CCDC97: variants seen among roughly 807,000 people sequenced by gnomAD.
The protein encoded by CCDC97 is coiled-coil domain containing 97.
In CCDC97, 27 loss-of-function variants were observed where a neutral mutation model predicts 33.9. That is an observed-to-expected ratio of 0.80 (90% CI 0.59 to 1.10). The LOEUF (loss-of-function observed/expected upper bound fraction) is 1.10. CCDC97 is among the 50% of genes least tolerant of loss of function. The pLI is 0.00. For missense variants in CCDC97, 422 were observed against 476.6 expected (o/e 0.89, Z 1.07); for synonymous variants, 217 against 194.0 (o/e 1.12, Z -0.99).
Position 41,322,763 on chromosome 19 carries a change from G to A in CCDC97, c.*48G>A. 1 of 1,599,126 alleles carries A rather than the reference G, an allele frequency of 6.3e-7. No homozygotes were observed. Among genetic ancestry groups the A allele is most frequent in the Non-Finnish European group, 8.5e-7 (1 of 1,171,766 alleles). Reference sequence around the variant, plus strand: ...CTGCCCCATCCCCATCCCCAACAAGGCAGCTGATTCCAGGCCTGCTCAGTG... The same window carrying A: ...CTGCCCCATCCCCATCCCCAACAAGACAGCTGATTCCAGGCCTGCTCAGTG... On this transcript the variant is annotated 3_prime_UTR_variant, in exon 5 of 5. Transcript: ENST00000269967.
intron 1 of CCDC97, among the ~76,000 whole-genome samples, chr19:41,315,298 A>C (rs1424151047): frequency 7.4e-6 from 1 of 135,074 alleles, no homozygotes; most frequent in Non-Finnish European, 1.6e-5. Context: ...CTCCGTCTCA[A>C]AAAAAAAAAA....
intron 1 of CCDC97, 64 bp from the exon 2 acceptor site, chr19:41,316,320 G>T: frequency 7.6e-7 from 1 of 1,312,378 alleles, no homozygotes; most frequent in Admixed American, 2.0e-5. Context: ...CTGAGTGAGT[G>T]ACTAAGCCCC....
chr19:41,321,786 G>C (rs927551135), intron 4 of CCDC97, among the ~76,000 whole-genome samples: 2 of 152,156 alleles, frequency 1.3e-5, no homozygotes, highest in African/African-American at 4.8e-5. Flanking sequence ...TGGAGCAGTC[G>C]CAAGGGGTCG....
intron 1 of CCDC97, among the ~76,000 whole-genome samples, chr19:41,313,057 C>T (rs149243913): frequency 1.1e-3 from 170 of 152,236 alleles, no homozygotes; most frequent in African/African-American, 4.0e-3. Context: ...CAGGGGTGAG[C>T]CATTGCAACC....
chr19:41,322,452 T>G, intron 4 of CCDC97, 143 bp from the exon 5 acceptor site: 3 of 808,618 alleles, frequency 3.7e-6, no homozygotes, highest in South Asian at 2.0e-5. Flanking sequence ...ACCCTGAGAG[T>G]TTTAAACACT....
At chr19:41,314,933 T>C (rs2037727174) in intron 1 of CCDC97, among the ~76,000 whole-genome samples, 1 of 151,706 alleles carries the variant, frequency 6.6e-6, no homozygotes, top group Non-Finnish European at 1.5e-5. Flanking sequence ...GCTCAAGAGA[T>C]TGAGACCACC....
chr19:41,314,533 C>T (rs2037722573), intron 1 of CCDC97, among the ~76,000 whole-genome samples: 1 of 152,236 alleles, frequency 6.6e-6, no homozygotes, highest in Non-Finnish European at 1.5e-5. Context: ...AATGTATTAA[C>T]GATTTAAAGA....
intron 1 of CCDC97, among the ~76,000 whole-genome samples, chr19:41,315,415 T>C (rs184645247): frequency 2.8e-4 from 42 of 150,170 alleles, no homozygotes; most frequent in Admixed American, 1.9e-3. Context: ...GAGACCAGCC[T>C]AGCCAACATA....
Position 41,322,463 on chromosome 19 carries a change from A to G in CCDC97, c.912-132A>G, listed in dbSNP as rs1198915559. On this transcript the variant is annotated intron_variant, in intron 4 of 4. Coordinates refer to ENST00000269967, the MANE Select transcript of CCDC97 (RefSeq NM_052848.3). Reference sequence around the variant, plus strand: ...TTAAACCCTGAGAGTTTTAAACACTATCTCCCTTGGGAGGGTCAGCTCTGA... The same window carrying G: ...TTAAACCCTGAGAGTTTTAAACACTGTCTCCCTTGGGAGGGTCAGCTCTGA... 5 of 900,314 alleles carry G rather than the reference A, an allele frequency of 5.6e-6. No homozygotes were observed. The East Asian group carries it at 8.3e-5, about 15-fold the overall frequency. 55.8% of individuals were successfully genotyped at this position (900,314 alleles called of 1,614,324 possible).
In CCDC97 at chr19:41,316,600, C is replaced by T. The variant is rs533020104; in HGVS notation, c.263C>T (p.Thr88Ile). The T allele has an allele frequency of 6.2e-7, 1 of 1,614,242 alleles. No homozygotes were observed. The highest frequency in any genetic ancestry group is 8.5e-7 in the Non-Finnish European group (1 of 1,180,048). The change falls in exon 2 of 5, where the codon ACA (threonine) becomes ATA (isoleucine). Residue 88 changes from threonine (T) to isoleucine (I), a missense_variant. By Grantham distance (89) the Thr-to-Ile change is moderately conservative. Transcript: ENST00000269967. ...CSQQQGEPDL[T>I]EHEKVAILAQ... ...CAGCAGCAGGGTGAACCCGACTTGA[C>T]AGAGCATGAGAAAGTGGCCATCCTG...
At position 41,319,559 on chromosome 19, in the gene CCDC97, C is replaced by G. The variant is rs762613284; in HGVS notation, c.503-15C>G. The stretch of plus-strand genomic sequence containing the variant: ...GTCGCTCACCCCATGCCCACCCTGT[C>G]TCTCCTCTGTGCAGGGGGCGAGTAC... On this transcript the variant is annotated splice_polypyrimidine_tract_variant and intron_variant, in intron 2 of 4. Transcript: ENST00000269967. 1.3e-6 allele frequency: 2 copies of G among 1,567,660 alleles called. No homozygotes were observed. The highest frequency in any genetic ancestry group is 1.3e-5 in the African/African-American group (1 of 74,284).
Position 41,322,529 on chromosome 19 carries a change from G to A in CCDC97, c.912-66G>A, listed in dbSNP as rs534483198. On this transcript the variant is annotated intron_variant, in intron 4 of 4. Coordinates refer to ENST00000269967, the MANE Select transcript of CCDC97 (RefSeq NM_052848.3). Reference sequence around the variant, plus strand: ...GGCCTTTGACATCAGGGTGCCCCAGGCCTTTGACCTGGGCATCCGAGGGTC... The same window carrying A: ...GGCCTTTGACATCAGGGTGCCCCAGACCTTTGACCTGGGCATCCGAGGGTC... 27 of 1,564,920 alleles carry A rather than the reference G, an allele frequency of 1.7e-5. No homozygotes were observed. The Admixed American group carries it at 3.4e-4, about 20-fold the overall frequency.
At position 41,322,836 on chromosome 19, in the gene CCDC97, C is replaced by A; in HGVS notation, c.*121C>A. ...AGGGCAGTGCCCCACAACCCACACACACCACCATCTCACTGGGTCTAGTCT... is the reference window on the plus strand; with the variant it reads ...AGGGCAGTGCCCCACAACCCACACAAACCACCATCTCACTGGGTCTAGTCT... On this transcript the variant is annotated 3_prime_UTR_variant, in exon 5 of 5. Transcript: ENST00000269967. 1 of 1,149,066 alleles carries A rather than the reference C, an allele frequency of 8.7e-7. No individual in the cohort carries two copies. Among genetic ancestry groups the A allele is most frequent in the Non-Finnish European group, 1.2e-6 (1 of 815,146 alleles). 71.2% of individuals were successfully genotyped at this position (1,149,066 alleles called of 1,614,324 possible).
In CCDC97 at chr19:41,310,350, G is replaced by T; in HGVS notation, c.40G>T (p.Asp14Tyr). The stretch of plus-strand genomic sequence containing the variant: ...GACGGCGACGGCGGCGAAGGAACCC[G>T]ATAAGGGTGAGATCTTGGTCACGCG... ...VATATAAKEP[D>Y]KGCIEPGPGH... The change falls in exon 1 of 5, where the codon GAT becomes TAT. Residue 14 changes from aspartate (D) to tyrosine (Y), a missense_variant. Physicochemically the swap from Asp to Tyr is radical, Grantham distance 160. Coordinates refer to ENST00000269967, the MANE Select transcript of CCDC97 (RefSeq NM_052848.3). 1 of 1,605,576 alleles carries T rather than the reference G, an allele frequency of 6.2e-7. No homozygotes were observed.
At chr19:41,319,907 G>A in intron 3 of CCDC97, 55 bp downstream of exon 3, 1 of 837,212 alleles carries the variant, frequency 1.2e-6, no homozygotes, top group South Asian at 1.7e-5. Flanking sequence ...CCCTAGGCCT[G>A]TCTGTCTCCA....
chr19:41,314,478 G>A (rs530832497), intron 1 of CCDC97, among the ~76,000 whole-genome samples: 3 of 152,346 alleles, frequency 2.0e-5, no homozygotes, highest in South Asian at 2.1e-4. Flanking sequence ...TTGGGTGAAC[G>A]CATGAATGCA....
chr19:41,322,135 C>A (rs1376744056), intron 4 of CCDC97, among the ~76,000 whole-genome samples: 1 of 152,174 alleles, frequency 6.6e-6, no homozygotes, highest in Admixed American at 6.5e-5. Flanking sequence ...CCTTTGTCAC[C>A]CAGGCTGGAA....
chr19:41,319,652 C>T lies in CCDC97; in HGVS notation c.581C>T (p.Thr194Ile). The change falls in exon 3 of 5, where the codon ACC becomes ATC. Residue 194 changes from threonine to isoleucine, a missense_variant. Physicochemically the swap from Thr to Ile is moderately conservative, Grantham distance 89. Coordinates refer to ENST00000269967, the MANE Select transcript of CCDC97 (RefSeq NM_052848.3). ...GAGCAGTACATCGGGCAGTATCTCA[C>T]CCAGGAGGAGCTCAGTGCCCGCACC... The part of the protein sequence containing the change: ...LYEQYIGQYL[T>I]QEELSARTPT... The T allele has an allele frequency of 6.2e-7, 1 of 1,614,120 alleles. No individual in the cohort carries two copies. Among genetic ancestry groups the T allele is most frequent in the Non-Finnish European group, 8.5e-7 (1 of 1,179,982 alleles).
At chr19:41,314,155 CTT>C (rs563468588) in intron 1 of CCDC97, among the ~76,000 whole-genome samples, 1 of 143,234 alleles carries the variant, frequency 7.0e-6, no homozygotes. Flanking sequence ...GTTTTTTTTT[CTT>C]TTTTTTTTTT....
Sources: allele counts gnomAD v4.1 joint callset (sites outside exome capture counted in the v4.1 genomes callset), GRCh38; gene constraint gnomAD v4.1.1; transcripts MANE v1.5; gene names NCBI Gene and HGNC (gene_info 2026-07-23, HGNC 2026-07-21).